Variants in WDR88 observed in about 807,000 individuals in gnomAD.
WDR88 encodes the protein WD repeat domain 88.
A neutral mutation model predicts 46.8 loss-of-function variants in WDR88; 40 were observed. The observed-to-expected ratio is 0.86, with a 90% CI of 0.66 to 1.11. WDR88 has a LOEUF of 1.11. WDR88 is among the 50% of genes most tolerant of loss of function. The pLI is 0.00. For synonymous variants in WDR88, 235 were observed against 240.7 expected (o/e 0.98, Z 0.22); for missense variants, 562 against 602.4 (o/e 0.93, Z 0.70).
chr19:33,140,036 AG>A (rs1288401229), intron 2 of WDR88, among the ~76,000 whole-genome samples: 2 of 152,182 alleles, frequency 1.3e-5, no homozygotes, highest in Admixed American at 6.5e-5. Context: ...CGCCCTCCGT[AG>A]CTGTCCTTAT....
intron 1 of WDR88, among the ~76,000 whole-genome samples, chr19:33,133,683 A>C (rs934484899): frequency 6.6e-6 from 1 of 152,138 alleles, no homozygotes; most frequent in Admixed American, 6.6e-5. Flanking sequence ...AAGTCTGGCG[A>C]TCTGCCTGTG....
chr19:33,174,174 C>CA, intron 10 of WDR88: 2 of 1,535,926 alleles, frequency 1.3e-6, no homozygotes, highest in Non-Finnish European at 8.7e-7. Flanking sequence ...CTATTTCTTG[C>CA]AAAAAAGGAA....
intron 1 of WDR88, among the ~76,000 whole-genome samples, chr19:33,134,196 T>C (rs1240319912): frequency 2.6e-5 from 4 of 152,104 alleles, no homozygotes; most frequent in Non-Finnish European, 5.9e-5. Context: ...CAAGGGACTG[T>C]GTGCAGAAAA....
chr19:33,146,749 C>G (rs1457641182), intron 3 of WDR88, among the ~76,000 whole-genome samples: 1 of 152,100 alleles, frequency 6.6e-6, no homozygotes, highest in South Asian at 2.1e-4. Context: ...AACTCCTGAC[C>G]TCAGGTGTTC....
chr19:33,148,842 G>C lies in WDR88; in HGVS notation c.611G>C (p.Gly204Ala), dbSNP rs1195781744. 1 of 1,614,124 alleles carries C rather than the reference G, an allele frequency of 6.2e-7. No individual in the cohort carries two copies. Among genetic ancestry groups the C allele is most frequent in the Admixed American group, 1.7e-5 (1 of 60,000 alleles). The change falls in exon 5 of 11, where the codon GGC (glycine) becomes GCC (alanine). Residue 204 changes from glycine to alanine, a missense_variant. Coordinates refer to ENST00000355868, the MANE Select transcript of WDR88 (RefSeq NM_173479.4). ...CCTGATGGTAAATACGTGGTCTCAG[G>C]CTTCGACGTGGATCATGGAATCTGC... The part of the protein sequence containing the change: ...FSPDGKYVVS[G>A]FDVDHGICIM...
chr19:33,148,056 A>G (rs1973556226), intron 4 of WDR88, among the ~76,000 whole-genome samples: 1 of 151,866 alleles, frequency 6.6e-6, no homozygotes. Context: ...CCCCGGTAAG[A>G]TGTTTGGATT....
chr19:33,170,731 G>T (rs1419421927), intron 9 of WDR88, among the ~76,000 whole-genome samples: 1 of 152,044 alleles, frequency 6.6e-6, no homozygotes, highest in African/African-American at 2.4e-5. Context: ...GTATGGTGGC[G>T]CATGCCTGTA....
At chr19:33,152,765 C>T (rs546846031) in intron 6 of WDR88, among the ~76,000 whole-genome samples, 18 of 152,198 alleles carry the variant, frequency 1.2e-4, no homozygotes, top group Non-Finnish European at 2.5e-4. Flanking sequence ...CCACACCTGG[C>T]TAATTTCTGT....
In WDR88 at chr19:33,151,044, G is replaced by A. The variant is rs148542534; in HGVS notation, c.680-137G>A. On this transcript the variant is annotated intron_variant, in intron 5 of 10. Coordinates refer to ENST00000355868, the MANE Select transcript of WDR88 (RefSeq NM_173479.4). ...TGGGACATAGTAGTCACTCAGGAATGTTTGTGCAGGTGTGTAGCTCCTGAT... is the reference window on the plus strand; with the variant it reads ...TGGGACATAGTAGTCACTCAGGAATATTTGTGCAGGTGTGTAGCTCCTGAT... The A allele has an allele frequency of 4.4e-4, 444 of 1,016,610 alleles. 1 individual carries two copies. The highest frequency in any genetic ancestry group is 3.3e-4 in the Non-Finnish European group (230 of 702,670). The allele number at this position is 1,016,610 out of a possible 1,614,324, so 63.0% of individuals were successfully genotyped here.
chr19:33,154,118 C>T (rs1041455157), intron 6 of WDR88, among the ~76,000 whole-genome samples: 3 of 152,104 alleles, frequency 2.0e-5, no homozygotes, highest in African/African-American at 7.2e-5. Context: ...TGGCCTTCTA[C>T]GAGAAGTGGG....
intron 9 of WDR88, among the ~76,000 whole-genome samples, chr19:33,168,728 A>C (rs1416126034): frequency 6.6e-6 from 1 of 152,194 alleles, no homozygotes. Flanking sequence ...TCAAAATTCC[A>C]ACAGCATTTT....
chr19:33,175,291 C>A, intron 10 of WDR88, 105 bp from the exon 11 acceptor site: 1 of 1,213,942 alleles, frequency 8.2e-7, no homozygotes, highest in Non-Finnish European at 1.2e-6. Context: ...AGAGGGGAAC[C>A]CTTGCCTTGC....
intron 7 of WDR88, among the ~76,000 whole-genome samples, chr19:33,157,714 T>A (rs1568367762): frequency 7.3e-5 from 4 of 54,742 alleles, no homozygotes; most frequent in Non-Finnish European, 1.6e-4. Flanking sequence ...TATATATATA[T>A]ATATATATAT....
intron 9 of WDR88, among the ~76,000 whole-genome samples, chr19:33,165,118 A>G (rs1267696739): frequency 6.6e-6 from 1 of 152,158 alleles, no homozygotes; most frequent in Non-Finnish European, 1.5e-5. Flanking sequence ...CAGGAGGTGG[A>G]GCTCAGGTGG....
intron 5 of WDR88, among the ~76,000 whole-genome samples, chr19:33,149,989 T>C (rs1296720809): frequency 6.6e-6 from 1 of 152,134 alleles, no homozygotes. Context: ...TTAGTAATTG[T>C]TGTATGACAG....
chr19:33,140,598 T>C (rs1973369888), intron 2 of WDR88, among the ~76,000 whole-genome samples: 1 of 152,158 alleles, frequency 6.6e-6, no homozygotes, highest in Non-Finnish European at 1.5e-5. Context: ...AAGACCAGCC[T>C]GACCAATGTG....
chr19:33,168,761 C>T (rs1421546371), intron 9 of WDR88, among the ~76,000 whole-genome samples: 1 of 151,574 alleles, frequency 6.6e-6, no homozygotes, highest in African/African-American at 2.4e-5. Flanking sequence ...CAAGGGGCCC[C>T]GAATAGCCAA....
At position 33,156,421 on chromosome 19, in the gene WDR88, C is replaced by T; in HGVS notation, c.876C>T (p.Ser292=). Residue 292 remains serine, a synonymous_variant, in exon 7 of 11, where the codon TCC becomes TCT. Transcript: ENST00000355868. ...TFSGHFLCTS[S]WDKNLKIWNV... ...GTGGCCATTTCCTGTGTACAAGCTC[C>T]TGGGATAAAAACTTAAAAATATGGA... 1 of 1,614,162 alleles carries T rather than the reference C, an allele frequency of 6.2e-7. No homozygotes were observed. Among genetic ancestry groups the T allele is most frequent in the Non-Finnish European group, 8.5e-7 (1 of 1,180,042 alleles).
intron 7 of WDR88, 142 bp from the exon 8 acceptor site, chr19:33,160,272 T>G (rs1599907666): frequency 2.5e-6 from 2 of 813,206 alleles, no homozygotes; most frequent in East Asian, 2.5e-5. Context: ...TGGCTTGGGG[T>G]CGTGGAGCCA....
Sources: allele counts gnomAD v4.1 joint callset (sites outside exome capture counted in the v4.1 genomes callset), GRCh38; gene constraint gnomAD v4.1.1; transcripts MANE v1.5; gene names NCBI Gene and HGNC (gene_info 2026-07-23, HGNC 2026-07-21).